LRFN2: variants seen among roughly 807,000 people sequenced by gnomAD.
LRFN2 encodes leucine rich repeat and fibronectin type III domain containing 2, also known as leucine-rich repeat and fibronectin type-III domain-containing protein 2.
Under a neutral mutation model 37.3 loss-of-function variants are expected in LRFN2, and 18 were observed. The ratio of observed to expected loss-of-function variants is 0.48; its 90% CI spans 0.33 to 0.72. The LOEUF (loss-of-function observed/expected upper bound fraction) is 0.72, where lower values mean the gene tolerates loss of function less well. Among genes scored for constraint, LRFN2 ranks in the 30% least tolerant of loss-of-function variants. The probability of loss-of-function intolerance (pLI) is 0.02; values close to 1 mark genes in which losing one functional copy is unlikely to be tolerated. For missense variants in LRFN2, 1,006 were observed against 1,060.7 expected, an observed-to-expected ratio of 0.95 and a Z score of 0.72; for synonymous variants, 556 against 466.6, an observed-to-expected ratio of 1.19 and a Z score of -2.47.
At chr6:40,500,666 G>A (rs187116962) in intron 1 of LRFN2, among the ~76,000 whole-genome samples, 12 of 152,328 alleles carry the variant, frequency 7.9e-5, no homozygotes. Flanking sequence ...CATTGGGTGA[G>A]TAAACCAGAG....
chr6:40,451,570 G>A (rs1018113789), intron 1 of LRFN2, among the ~76,000 whole-genome samples: 4 of 152,336 alleles, frequency 2.6e-5, no homozygotes, highest in Middle Eastern at 3.4e-3. Flanking sequence ...CAGACTTAAT[G>A]AGCACCTCTC....
chr6:40,456,572 C>T (rs541789393), intron 1 of LRFN2, among the ~76,000 whole-genome samples: 2 of 152,304 alleles, frequency 1.3e-5, no homozygotes, highest in East Asian at 3.9e-4. Context: ...GTGGCAATGC[C>T]TTGTGTTTGC....
At chr6:40,575,537 C>T (rs567979253) in intron 1 of LRFN2, among the ~76,000 whole-genome samples, 4 of 152,206 alleles carry the variant, frequency 2.6e-5, no homozygotes, top group Non-Finnish European at 5.9e-5. Flanking sequence ...GGGCCCTAAC[C>T]ATCTGTGGAT....
chr6:40,445,463 C>T (rs1763948171), intron 1 of LRFN2, among the ~76,000 whole-genome samples: 1 of 152,124 alleles, frequency 6.6e-6, no homozygotes. Context: ...CCAACTAGGG[C>T]AAGGGAACTT....
At chr6:40,499,399 T>TA (rs371931086) in intron 1 of LRFN2, among the ~76,000 whole-genome samples, 1 of 151,602 alleles carries the variant, frequency 6.6e-6, no homozygotes, top group African/African-American at 2.4e-5. Flanking sequence ...TTTTTTTTTT[T>TA]AAAGAATCAG....
chr6:40,466,726 G>A lies in LRFN2; in HGVS notation c.-18-33595C>T, dbSNP rs748314274. 2.2e-4 allele frequency among the ~76,000 whole-genome samples: 34 copies of A among 152,086 alleles called. 1 individual carries two copies. Among genetic ancestry groups the A allele is most frequent in the Admixed American group, 5.2e-4 (8 of 15,276 alleles). ...CTGTCCCTGCCTTAATTTTTTAGCC[G>A]TAAAATGAGGACAACGTGTGCTTTA... On this transcript the variant is annotated intron_variant, in intron 1 of 2. Transcript: ENST00000338305.
At chr6:40,498,230 G>A (rs1266449099) in intron 1 of LRFN2, among the ~76,000 whole-genome samples, 1 of 152,060 alleles carries the variant, frequency 6.6e-6, no homozygotes, top group African/African-American at 2.4e-5. Context: ...CAGCTGGAAG[G>A]GTCTGTCACA....
At chr6:40,516,388 C>T (rs971040995) in intron 1 of LRFN2, 2 of 152,164 alleles carry the variant, frequency 1.3e-5, no homozygotes, top group Non-Finnish European at 2.9e-5. Flanking sequence ...CTGGACGGGT[C>T]ACCAAGCAGA....
At chr6:40,451,645 G>T (rs917438146) in intron 1 of LRFN2, among the ~76,000 whole-genome samples, 1 of 152,118 alleles carries the variant, frequency 6.6e-6, no homozygotes, top group East Asian at 1.9e-4. Context: ...CGGTGGTGCC[G>T]TGTGGATCCT....
intron 1 of LRFN2, among the ~76,000 whole-genome samples, chr6:40,573,213 A>G (rs1403466500): frequency 3.9e-5 from 6 of 152,232 alleles, no homozygotes; most frequent in African/African-American, 1.4e-4. Flanking sequence ...AACAGGTTTA[A>G]AAGTACCTGC....
Position 40,544,882 on chromosome 6 carries a change from T to G in LRFN2, c.-19+42059A>C, listed in dbSNP as rs1018798233. On this transcript the variant is annotated intron_variant, in intron 1 of 2. Transcript: ENST00000338305. ...GGACCCTAAACCTGCATCTTTATAA[T>G]GAGAAGGAGAGAGCAAATGCGCAGC... Among the ~76,000 whole-genome samples the G allele has an allele frequency of 2.0e-5, 3 of 152,184 alleles. No individual in the cohort carries two copies. The East Asian group carries it at 5.8e-4, about 29-fold the overall frequency.
intron 1 of LRFN2, among the ~76,000 whole-genome samples, chr6:40,543,906 G>C (rs527279779): frequency 1.7e-3 from 265 of 152,244 alleles, no homozygotes; most frequent in Middle Eastern, 3.4e-3. Flanking sequence ...TAAATGCTCA[G>C]CTCAGAAGCC....
At chr6:40,573,775 C>A (rs768929566) in intron 1 of LRFN2, among the ~76,000 whole-genome samples, 1 of 152,112 alleles carries the variant, frequency 6.6e-6, no homozygotes, top group Non-Finnish European at 1.5e-5. Context: ...GTCATGAGTT[C>A]GAGACCAGCC....
chr6:40,417,764 C>T (rs765790011), intron 2 of LRFN2, among the ~76,000 whole-genome samples: 4 of 152,150 alleles, frequency 2.6e-5, no homozygotes, highest in African/African-American at 9.7e-5. Flanking sequence ...TGTTCCCTAC[C>T]TAAGTACTTC....
chr6:40,413,758 C>T (rs948672811), intron 2 of LRFN2, among the ~76,000 whole-genome samples: 1 of 152,140 alleles, frequency 6.6e-6, no homozygotes, highest in Non-Finnish European at 1.5e-5. Context: ...ACATCACCAG[C>T]ACTGACGGAA....
In LRFN2 at chr6:40,587,352, T is replaced by TG. The variant is rs764139665; in HGVS notation, c.-431dup. ...ACGAGCCTGCCGGGTTGTGTATGTG[T>TG]GAGTGTATGTGTGTCTCAGCGAGAG... On this transcript the variant is annotated 5_prime_UTR_variant, in exon 1 of 3. Coordinates refer to ENST00000338305, the MANE Select transcript of LRFN2 (RefSeq NM_020737.3). The surrounding 1 kb of genome is among the most constrained non-coding windows in gnomAD (Gnocchi z 4.2). 2 of 152,092 alleles carry TG rather than the reference T, an allele frequency of 1.3e-5. No individual in the cohort carries two copies. The highest frequency in any genetic ancestry group is 2.4e-5 in the African/African-American group (1 of 41,414). 9.4% of individuals were successfully genotyped at this position (152,092 alleles called of 1,614,324 possible).
chr6:40,463,442 T>C (rs1764389977), intron 1 of LRFN2, among the ~76,000 whole-genome samples: 1 of 152,128 alleles, frequency 6.6e-6, no homozygotes, highest in African/African-American at 2.4e-5. Context: ...CTAACAATGA[T>C]ACTACTCTGG....
intron 1 of LRFN2, among the ~76,000 whole-genome samples, chr6:40,448,472 A>G (rs1764026023): frequency 6.6e-6 from 1 of 152,252 alleles, no homozygotes; most frequent in African/African-American, 2.4e-5. Context: ...GTAAATTTAC[A>G]ATAAAAGATA....
rs868787132 is a variant in LRFN2, at chr6:40,392,522, C to T, written c.1791G>A (p.Gln597=). The T allele has an allele frequency of 6.3e-7, 1 of 1,590,664 alleles. No homozygotes were observed. The highest frequency in any genetic ancestry group is 1.7e-5 in the Admixed American group (1 of 57,598). ...PSSAPAGAPP[Q]GPPKVVVRNE... ...TGCGCACCACCACCTTCGGCGGGCC[C>T]TGCGGCGGGGCCCCGGCTGGTGCGC... is the stretch of plus-strand genomic sequence containing the variant. The change falls in exon 3 of 3, where the codon CAG becomes CAA. Residue 597 remains glutamine, a synonymous_variant. Coordinates refer to ENST00000338305, the MANE Select transcript of LRFN2 (RefSeq NM_020737.3). This position sits in a 1 kb window ranked among gnomAD's most constrained non-coding sequence, Gnocchi z 4.7.
Sources: allele counts gnomAD v4.1 joint callset (sites outside exome capture counted in the v4.1 genomes callset), GRCh38; gene constraint gnomAD v4.1.1; non-coding constraint Gnocchi (gnomAD v3.1); transcripts MANE v1.5; gene names NCBI Gene and HGNC (gene_info 2026-07-23, HGNC 2026-07-21).